CFAP299: variants seen among roughly 807,000 people sequenced by gnomAD.
CFAP299 encodes the protein cilia- and flagella-associated protein 299.
In CFAP299, 21 loss-of-function variants were observed where a neutral mutation model predicts 27.0. The observed-to-expected ratio is 0.78, with a 90% CI of 0.55 to 1.12. CFAP299 has a LOEUF of 1.12. CFAP299 is among the 50% of genes most tolerant of loss of function. The pLI is 0.00. For synonymous variants in CFAP299, 104 were observed against 98.1 expected, an observed-to-expected ratio of 1.06 and a Z score of -0.36; for missense variants, 310 against 276.6, an observed-to-expected ratio of 1.12 and a Z score of -0.86.
intron 3 of CFAP299, among the ~76,000 whole-genome samples, chr4:80,724,433 T>G (rs1723027168): frequency 6.6e-6 from 1 of 151,838 alleles, no homozygotes; most frequent in South Asian, 2.1e-4. Context: ...TAAAAAATGA[T>G]TACTCATTTA....
intron 4 of CFAP299, among the ~76,000 whole-genome samples, chr4:80,917,204 G>A (rs1331089894): frequency 6.6e-6 from 1 of 151,980 alleles, no homozygotes; most frequent in Non-Finnish European, 1.5e-5. Flanking sequence ...TTATGATGAA[G>A]GCAGCACATC....
At chr4:80,438,448 C>T (rs1288292222) in intron 2 of CFAP299, among the ~76,000 whole-genome samples, 1 of 152,152 alleles carries the variant, frequency 6.6e-6, no homozygotes, top group Non-Finnish European at 1.5e-5. Flanking sequence ...TTTTCTTCTA[C>T]CAACATGTAT....
At chr4:80,388,828 A>G in intron 2 of CFAP299, 2 of 378,624 alleles carry the variant, frequency 5.3e-6, no homozygotes, top group South Asian at 6.0e-5. Context: ...TTCTCTTCCA[A>G]TCATATTTCC....
At chr4:80,384,370 T>C (rs1048276938) in intron 2 of CFAP299, among the ~76,000 whole-genome samples, 2 of 152,212 alleles carry the variant, frequency 1.3e-5, no homozygotes, top group African/African-American at 4.8e-5. Flanking sequence ...TATTCATAAA[T>C]ATTTTGAATA....
chr4:80,669,149 C>CTTT (rs869091451), intron 3 of CFAP299, among the ~76,000 whole-genome samples: 14 of 17,156 alleles, frequency 8.2e-4, no homozygotes, highest in Non-Finnish European at 8.6e-4. Flanking sequence ...TTCTTTCTTT[C>CTTT]TTTTTTTTTT....
chr4:80,799,337 TTA>T lies in CFAP299; in HGVS notation c.334-70647_334-70646del, dbSNP rs1185156796. 6.6e-4 allele frequency among the ~76,000 whole-genome samples: 63 copies of T among 95,066 alleles called. 1 individual carries two copies. The highest frequency in any genetic ancestry group is 2.6e-4 in the East Asian group (1 of 3,840). 62.4% of individuals were successfully genotyped at this position (95,066 alleles called of 152,430 possible). A position where few individuals can be genotyped will look rare whatever the true frequency, so the allele number is the denominator to read the frequency against. ...ATATATAAATATATTTATATAATAT[TTA>T]TATATATAAATGTATTTATATAATA... On this transcript the variant is annotated intron_variant, in intron 3 of 5. Transcript: ENST00000358105.
At chr4:80,869,862 T>C (rs1164205506) in intron 3 of CFAP299, 131 bp from the exon 4 acceptor site, 3 of 848,976 alleles carry the variant, frequency 3.5e-6, no homozygotes, top group Non-Finnish European at 3.6e-6. Context: ...TTCAATGTTA[T>C]AACCACTCTT....
chr4:80,463,745 A>G (rs1193218003), intron 2 of CFAP299, among the ~76,000 whole-genome samples: 4 of 152,100 alleles, frequency 2.6e-5, no homozygotes, highest in African/African-American at 4.8e-5. Flanking sequence ...CTATCTCTAA[A>G]TAAGGTCACA....
chr4:80,810,254 C>G (rs1407649954), intron 3 of CFAP299, among the ~76,000 whole-genome samples: 1 of 151,726 alleles, frequency 6.6e-6, no homozygotes, highest in African/African-American at 2.4e-5. Context: ...TTAACGTTCC[C>G]TACCCAGCCC....
At position 80,924,570 on chromosome 4, in the gene CFAP299, CTG is replaced by C. The variant is rs1482081403; in HGVS notation, c.477-20238_477-20237del. On this transcript the variant is annotated intron_variant, in intron 4 of 5. Transcript: ENST00000358105. ...TATATATATATATATATATCTGTGT[CTG>C]TAATTTCTAGAAGTGGAATTGCTCA... Among the ~76,000 whole-genome samples the C allele has an allele frequency of 6.6e-5, 9 of 137,116 alleles. 1 individual carries two copies. The highest frequency in any genetic ancestry group is 2.2e-4 in the East Asian group (1 of 4,650). The allele number at this position is 137,116 out of a possible 152,430, so 90.0% of individuals were successfully genotyped here.
intron 3 of CFAP299, among the ~76,000 whole-genome samples, chr4:80,756,056 A>G (rs1296081813): frequency 6.6e-6 from 1 of 152,148 alleles, no homozygotes; most frequent in Non-Finnish European, 1.5e-5. Context: ...ATGTCCATCA[A>G]TATTCCTTTG....
Position 80,944,911 on chromosome 4 carries a change from A to G in CFAP299, c.578A>G (p.Asp193Gly), listed in dbSNP as rs1176027576. 3.1e-6 allele frequency: 5 copies of G among 1,612,930 alleles called. No individual in the cohort carries two copies. Among genetic ancestry groups the G allele is most frequent in the Non-Finnish European group, 4.2e-6 (5 of 1,179,348 alleles). ...GGCTTACTTTTCAGATACAAAAGAG[A>G]CAGAAAAATTCTTAATGTGGACCCA... ...PEGLLFRYKRDRKILNVDPKA... is the reference protein window; with the variant it reads ...PEGLLFRYKRGRKILNVDPKA... Residue 193 changes from aspartate (D) to glycine (G), a missense_variant, in exon 5 of 6, where the codon GAC becomes GGC. Physicochemically the swap from Asp to Gly is moderately conservative, Grantham distance 94. Coordinates refer to ENST00000358105, the MANE Select transcript of CFAP299 (RefSeq NM_152770.3).
chr4:80,606,080 G>T (rs1737653763), intron 3 of CFAP299, among the ~76,000 whole-genome samples: 1 of 152,150 alleles, frequency 6.6e-6, no homozygotes, highest in Non-Finnish European at 1.5e-5. Context: ...TATTGTAGCT[G>T]ATGAATACAT....
At chr4:80,682,089 T>G (rs1478089364) in intron 3 of CFAP299, among the ~76,000 whole-genome samples, 4 of 152,166 alleles carry the variant, frequency 2.6e-5, no homozygotes, top group African/African-American at 9.7e-5. Context: ...TTCATTTTAT[T>G]TTTCACCAAA....
chr4:80,746,796 A>T (rs1560731062), intron 3 of CFAP299, among the ~76,000 whole-genome samples: 1 of 152,046 alleles, frequency 6.6e-6, no homozygotes, highest in Non-Finnish European at 1.5e-5. Flanking sequence ...ATATTATATA[A>T]TCTTATTTAT....
chr4:80,910,133 A>C (rs1247883663), intron 4 of CFAP299, among the ~76,000 whole-genome samples: 1 of 152,134 alleles, frequency 6.6e-6, no homozygotes, highest in African/African-American at 2.4e-5. Flanking sequence ...CAGAATTGAC[A>C]GTTTATTTGA....
chr4:80,515,431 A>C (rs913978841), intron 2 of CFAP299, among the ~76,000 whole-genome samples: 1 of 152,194 alleles, frequency 6.6e-6, no homozygotes, highest in Admixed American at 6.5e-5. Context: ...TTGTCTCTGT[A>C]GGCACAATCT....
chr4:80,511,535 C>A (rs776845843), intron 2 of CFAP299, among the ~76,000 whole-genome samples: 1 of 152,094 alleles, frequency 6.6e-6, no homozygotes, highest in Non-Finnish European at 1.5e-5. Context: ...CATATTTTTT[C>A]ACTTAAATGA....
chr4:80,733,251 G>A (rs1175290883), intron 3 of CFAP299, among the ~76,000 whole-genome samples: 1 of 151,962 alleles, frequency 6.6e-6, no homozygotes, highest in Non-Finnish European at 1.5e-5. Context: ...ACCTAATATT[G>A]TCTCAGCTTA....
Sources: allele counts gnomAD v4.1 joint callset (sites outside exome capture counted in the v4.1 genomes callset), GRCh38; gene constraint gnomAD v4.1.1; transcripts MANE v1.5; gene names NCBI Gene and HGNC (gene_info 2026-07-23, HGNC 2026-07-21).